The following LHFPL3 variants were observed in gnomAD, a reference collection of about 807,000 sequenced individuals.
The protein encoded by LHFPL3 is LHFPL tetraspan subfamily member 3.
Under a neutral mutation model 19.3 loss-of-function variants are expected in LHFPL3, and 5 were observed. The observed-to-expected ratio is 0.26, with a 90% confidence interval of 0.14 to 0.54. The LOEUF (loss-of-function observed/expected upper bound fraction) is 0.54, where lower values mean the gene tolerates loss of function less well. Among genes scored for constraint, LHFPL3 ranks in the 20% least tolerant of loss-of-function variants. LHFPL3 has a pLI of 0.94. For synonymous variants in LHFPL3, 133 were observed against 126.2 expected (o/e 1.05, Z -0.36); for missense variants, 249 against 307.4 (o/e 0.81, Z 1.42).
intron 1 of LHFPL3, among the ~76,000 whole-genome samples, chr7:104,503,772 A>C (rs572290428): frequency 6.6e-6 from 1 of 152,046 alleles, no homozygotes; most frequent in East Asian, 1.9e-4. Context: ...GTTTTGCCAG[A>C]TTGCCTAGGC....
In LHFPL3 at chr7:104,329,261, C is replaced by T. The variant is rs762354980; in HGVS notation, c.445+37C>T. On this transcript the variant is annotated intron_variant, in intron 1 of 2. Transcript: ENST00000424859. ...CTCACCTCCGCGGAGGCGGAGGACC[C>T]CGGGGCGCCCGAGCCGGGGAGGGGC... 8.4e-6 allele frequency: 13 copies of T among 1,553,746 alleles called. No individual in the cohort carries two copies. The South Asian group carries it at 1.6e-4, about 19-fold the overall frequency.
At chr7:104,485,156 C>A (rs758258438) in intron 1 of LHFPL3, among the ~76,000 whole-genome samples, 2 of 151,994 alleles carry the variant, frequency 1.3e-5, no homozygotes, top group Non-Finnish European at 2.9e-5. Flanking sequence ...CAGTGAAAAT[C>A]CTGTCTCCCG....
chr7:104,461,135 A>T (rs1792654605), intron 1 of LHFPL3, among the ~76,000 whole-genome samples: 1 of 152,184 alleles, frequency 6.6e-6, no homozygotes, highest in Non-Finnish European at 1.5e-5. Context: ...GGGGAGGCAA[A>T]CACATCTTTC....
rs557438738 is a variant in LHFPL3, at chr7:104,500,116, C to A, written c.445+170892C>A. On this transcript the variant is annotated intron_variant, in intron 1 of 2. Transcript: ENST00000424859. Reference sequence around the variant, plus strand: ...TCAGTCCGAGAAGAGATGGGAAAGTCAGTAGATATTGAAGCCTCAGAGGTT... The same window carrying A: ...TCAGTCCGAGAAGAGATGGGAAAGTAAGTAGATATTGAAGCCTCAGAGGTT... Among the ~76,000 whole-genome samples the A allele has an allele frequency of 4.3e-4, 66 of 152,270 alleles. 1 individual carries two copies. Among genetic ancestry groups the A allele is most frequent in the Admixed American group, 2.8e-3 (43 of 15,302 alleles).
chr7:104,636,136 C>T (rs1336086652), intron 1 of LHFPL3, among the ~76,000 whole-genome samples: 1 of 152,064 alleles, frequency 6.6e-6, no homozygotes, highest in Non-Finnish European at 1.5e-5. Flanking sequence ...ATGGACTTAA[C>T]CAAAAGTTGA....
intron 1 of LHFPL3, among the ~76,000 whole-genome samples, chr7:104,574,744 A>C (rs1790290914): frequency 6.6e-6 from 1 of 152,198 alleles, no homozygotes; most frequent in Admixed American, 6.5e-5. Flanking sequence ...TTTATTTAAG[A>C]ATTTATGTAT....
chr7:104,434,060 T>C (rs1354680263), intron 1 of LHFPL3, among the ~76,000 whole-genome samples: 1 of 152,254 alleles, frequency 6.6e-6, no homozygotes, highest in Non-Finnish European at 1.5e-5. Flanking sequence ...TTCCATACCA[T>C]GTATTAATCC....
intron 1 of LHFPL3, among the ~76,000 whole-genome samples, chr7:104,454,683 T>C (rs1792506527): frequency 6.6e-6 from 1 of 152,140 alleles, no homozygotes; most frequent in Non-Finnish European, 1.5e-5. Context: ...TGAGATCCCA[T>C]ATGCAGAGTA....
chr7:104,854,150 T>C (rs1791459015), intron 2 of LHFPL3, among the ~76,000 whole-genome samples: 2 of 152,070 alleles, frequency 1.3e-5, no homozygotes. Context: ...CATGAGCAAA[T>C]TTCAAAGAGG....
At chr7:104,623,075 T>C in intron 1 of LHFPL3, 1 of 269,732 alleles carries the variant, frequency 3.7e-6, no homozygotes, top group South Asian at 3.4e-5. Context: ...TTCTATATCT[T>C]CTTTAGAGAA....
chr7:104,764,635 T>A (rs555857807), intron 2 of LHFPL3, among the ~76,000 whole-genome samples: 3 of 152,354 alleles, frequency 2.0e-5, no homozygotes, highest in African/African-American at 7.2e-5. Flanking sequence ...TTATGGAAAC[T>A]GCGCCTTATA....
At chr7:104,472,829 C>G (rs1792937484) in intron 1 of LHFPL3, among the ~76,000 whole-genome samples, 2 of 152,094 alleles carry the variant, frequency 1.3e-5, no homozygotes, top group African/African-American at 4.8e-5. Flanking sequence ...TTAATTTAAT[C>G]AGTTCTGTTT....
Position 104,854,463 on chromosome 7 carries a change from C to T in LHFPL3, c.683-51724C>T, listed in dbSNP as rs1470610772. Among the ~76,000 whole-genome samples, 6 of 152,306 alleles carry T rather than the reference C, an allele frequency of 3.9e-5. No homozygotes were observed. In the South Asian group the frequency reaches 8.3e-4, roughly 21 times the overall value. ...GTCTGCAGTTTCTCAAAATAATCAG[C>T]TCAAAATTATCCTTATACTGAAGAA... On this transcript the variant is annotated intron_variant, in intron 2 of 2. Transcript: ENST00000424859.
intron 1 of LHFPL3, among the ~76,000 whole-genome samples, chr7:104,434,418 G>A (rs1407882179): frequency 6.6e-6 from 1 of 152,162 alleles, no homozygotes; most frequent in Non-Finnish European, 1.5e-5. Flanking sequence ...AATTTTTCTG[G>A]GGATGACATG....
At chr7:104,614,680 C>CTTTCTTTCTTTCT (rs1554415336) in intron 1 of LHFPL3, among the ~76,000 whole-genome samples, 1 of 94,416 alleles carries the variant, frequency 1.1e-5, no homozygotes, top group Admixed American at 1.1e-4. Flanking sequence ...TCCTTCCTTC[C>CTTTCTTTCTTTCT]TTCTTTCTTT....
chr7:104,668,380 A>T (rs1792401623), intron 1 of LHFPL3: 1 of 1,592,018 alleles, frequency 6.3e-7, no homozygotes, highest in East Asian at 2.2e-5. Context: ...TTTGATGACT[A>T]CCCACCTAGA....
chr7:104,524,408 G>C (rs1794143281), intron 1 of LHFPL3, among the ~76,000 whole-genome samples: 1 of 152,260 alleles, frequency 6.6e-6, no homozygotes, highest in African/African-American at 2.4e-5. Context: ...AAGCCACTTT[G>C]CTTCCTAATT....
At chr7:104,492,039 G>A (rs1793364347) in intron 1 of LHFPL3, among the ~76,000 whole-genome samples, 1 of 152,154 alleles carries the variant, frequency 6.6e-6, no homozygotes, top group Non-Finnish European at 1.5e-5. Flanking sequence ...AGGTTTGTGT[G>A]GAGATCATTA....
chr7:104,693,794 G>GT (rs71155519), intron 1 of LHFPL3, among the ~76,000 whole-genome samples: 2,215 of 146,614 alleles, frequency 0.015, 34 homozygotes, highest in East Asian at 0.048. Flanking sequence ...TAATTGTGGG[G>GT]TTTTTTTTTT....
Sources: allele counts gnomAD v4.1 joint callset (sites outside exome capture counted in the v4.1 genomes callset), GRCh38; gene constraint gnomAD v4.1.1; transcripts MANE v1.5; gene names NCBI Gene and HGNC (gene_info 2026-07-23, HGNC 2026-07-21).